Variants in CCSER1 observed in about 807,000 individuals in gnomAD.
CCSER1 encodes the protein coiled-coil serine rich protein 1, also known as serine-rich coiled-coil domain-containing protein 1.
CCSER1 carries 41 observed loss-of-function variants against 82.0 expected under a neutral mutation model. The ratio of observed to expected loss-of-function variants is 0.50; its 90% CI spans 0.39 to 0.65. The LOEUF (loss-of-function observed/expected upper bound fraction) is 0.65, where lower values mean the gene tolerates loss of function less well. Ranked by LOEUF, CCSER1 falls within the 30% of genes least tolerant of loss-of-function variation. CCSER1 has a pLI of 0.00. For missense variants in CCSER1, 1,119 were observed against 1,064.2 expected (o/e 1.05, Z -0.72); for synonymous variants, 414 against 383.9 (o/e 1.08, Z -0.92).
rs543682088 is a variant in CCSER1 at position 91,051,584 on chromosome 4, AG to A, written c.2173-34362del. On this transcript the variant is annotated intron_variant, in intron 9 of 10. Coordinates refer to ENST00000509176, the MANE Select transcript of CCSER1 (RefSeq NM_001145065.2). ...GTTATTTATTTTCAGCATTGTTTAA[AG>A]GGGCAAAACACTAAAAATGGATTGA... 2.8e-3 allele frequency among the ~76,000 whole-genome samples: 421 copies of A among 152,238 alleles called. 1 individual carries two copies. Among genetic ancestry groups the A allele is most frequent in the African/African-American group, 9.5e-3 (396 of 41,572 alleles).
chr4:90,897,134 C>G (rs1222978524), intron 8 of CCSER1, among the ~76,000 whole-genome samples: 5 of 151,600 alleles, frequency 3.3e-5, no homozygotes, highest in Non-Finnish European at 7.4e-5. Flanking sequence ...AAAATCATAA[C>G]ATTTTTATTT....
At position 90,292,711 on chromosome 4, in the gene CCSER1, A is replaced by AT. The variant is rs898616436; in HGVS notation, c.-41-15523dup. Among the ~76,000 whole-genome samples, 106 of 149,428 alleles carry AT rather than the reference A, an allele frequency of 7.1e-4. 1 individual carries two copies. The highest frequency in any genetic ancestry group is 7.3e-4 in the Admixed American group (11 of 14,978). ...TGCAATTGTTTGTGGATATACTCAT[A>AT]TTTTTTTTTTCCTTTCACCAGACCA... On this transcript the variant is annotated intron_variant, in intron 1 of 10. Coordinates refer to ENST00000509176, the MANE Select transcript of CCSER1 (RefSeq NM_001145065.2).
chr4:91,309,411 G>A (rs995277161), intron 10 of CCSER1, among the ~76,000 whole-genome samples: 8 of 151,954 alleles, frequency 5.3e-5, no homozygotes. Context: ...AGCTCAAGTG[G>A]GTTCCTAGAC....
chr4:90,461,605 C>T (rs940586763), intron 4 of CCSER1, among the ~76,000 whole-genome samples: 2 of 151,892 alleles, frequency 1.3e-5, no homozygotes, highest in African/African-American at 4.8e-5. Context: ...ATATATATAA[C>T]ATTTTCTCAT....
At chr4:91,053,856 A>C (rs891781307) in intron 9 of CCSER1, among the ~76,000 whole-genome samples, 5 of 152,096 alleles carry the variant, frequency 3.3e-5, no homozygotes, top group African/African-American at 1.2e-4. Context: ...TTTTCTGTTC[A>C]TACTGTAATG....
At chr4:91,265,835 G>C (rs956942621) in intron 10 of CCSER1, among the ~76,000 whole-genome samples, 2 of 152,184 alleles carry the variant, frequency 1.3e-5, no homozygotes, top group African/African-American at 4.8e-5. Context: ...GTGTTTTAGT[G>C]CATTTTCACA....
intron 1 of CCSER1, among the ~76,000 whole-genome samples, chr4:90,159,264 C>T (rs1027131761): frequency 3.3e-5 from 5 of 152,080 alleles, no homozygotes; most frequent in Non-Finnish European, 7.4e-5. Flanking sequence ...AGGCTGCTCT[C>T]AAACTCCCAG....
At chr4:91,038,174 A>G (rs2150571339) in intron 9 of CCSER1, among the ~76,000 whole-genome samples, 1 of 152,338 alleles carries the variant, frequency 6.6e-6, no homozygotes, top group Admixed American at 6.5e-5. Context: ...GCTTCTGTGT[A>G]CATGAGCAGT....
intron 10 of CCSER1, among the ~76,000 whole-genome samples, chr4:91,487,174 T>C (rs1363944016): frequency 6.6e-6 from 1 of 152,122 alleles, no homozygotes; most frequent in Non-Finnish European, 1.5e-5. Flanking sequence ...ATTTGTTACA[T>C]TGTGGGAAAC....
intron 10 of CCSER1, among the ~76,000 whole-genome samples, chr4:91,505,770 C>T (rs1160011717): frequency 6.6e-6 from 1 of 152,102 alleles, no homozygotes; most frequent in African/African-American, 2.4e-5. Flanking sequence ...ATGTCCTTTG[C>T]TCACTTTTTA....
At chr4:90,611,141 C>T (rs1785447578) in intron 5 of CCSER1, among the ~76,000 whole-genome samples, 2 of 143,224 alleles carry the variant, frequency 1.4e-5, no homozygotes, top group African/African-American at 2.7e-5. Flanking sequence ...TCAGGTGATC[C>T]ACTCGCCTCA....
At chr4:90,550,997 A>G (rs1177680475) in intron 5 of CCSER1, among the ~76,000 whole-genome samples, 1 of 152,122 alleles carries the variant, frequency 6.6e-6, no homozygotes, top group African/African-American at 2.4e-5. Context: ...TGTTTTCATG[A>G]TCATCATCAT....
At chr4:90,332,853 T>C (rs1042443432) in intron 3 of CCSER1, among the ~76,000 whole-genome samples, 2 of 152,194 alleles carry the variant, frequency 1.3e-5, no homozygotes, top group Non-Finnish European at 2.9e-5. Context: ...CAGTATTTTA[T>C]TTAATATAAA....
chr4:90,594,471 A>G (rs1030545036), intron 5 of CCSER1, among the ~76,000 whole-genome samples: 3 of 152,132 alleles, frequency 2.0e-5, no homozygotes, highest in Non-Finnish European at 2.9e-5. Context: ...TGTACCCAAC[A>G]TAAGTATGGA....
intron 6 of CCSER1, among the ~76,000 whole-genome samples, chr4:90,669,778 T>A (rs1732465998): frequency 6.6e-6 from 1 of 152,144 alleles, no homozygotes; most frequent in Non-Finnish European, 1.5e-5. Context: ...AGATATAAGT[T>A]ATATTAAGTA....
intron 10 of CCSER1, among the ~76,000 whole-genome samples, chr4:91,150,679 G>A (rs1008539305): frequency 1.3e-5 from 2 of 152,148 alleles, no homozygotes; most frequent in African/African-American, 4.8e-5. Flanking sequence ...TTTATTGAGA[G>A]TTTTTAGCAT....
chr4:91,508,162 G>GGTTT (rs1759615913), intron 10 of CCSER1, among the ~76,000 whole-genome samples: 1 of 97,654 alleles, frequency 1.0e-5, no homozygotes, highest in African/African-American at 4.0e-5. Context: ...TTTTTTCTGG[G>GGTTT]TTTTTTTTTT....
chr4:90,410,492 C>G (rs1472623879), intron 4 of CCSER1, among the ~76,000 whole-genome samples: 1 of 152,126 alleles, frequency 6.6e-6, no homozygotes, highest in Non-Finnish European at 1.5e-5. Flanking sequence ...CAAAACCGCT[C>G]AAGTACATGG....
chr4:91,203,455 GA>G (rs1365260195), intron 10 of CCSER1, among the ~76,000 whole-genome samples: 3 of 151,154 alleles, frequency 2.0e-5, no homozygotes, highest in Non-Finnish European at 3.0e-5. Context: ...ACTATAGCAA[GA>G]AAAAAAATGG....
Sources: gnomAD v4.1 joint callset for allele counts (sites outside exome capture counted in the v4.1 genomes callset) on GRCh38, gnomAD v4.1.1 for gene constraint, MANE v1.5 for transcripts, NCBI Gene and HGNC (gene_info 2026-07-23, HGNC 2026-07-21) for gene names.